The following DMD variants were observed in gnomAD, a reference collection of about 807,000 sequenced individuals.
DMD encodes the protein mutant dystrophin.
DMD carries 63 observed loss-of-function variants against 330.1 expected under a neutral mutation model. That is an observed-to-expected ratio of 0.19 (90% CI 0.16 to 0.24). The LOEUF (loss-of-function observed/expected upper bound fraction) is 0.24. Among genes scored for constraint, DMD ranks in the 10% least tolerant of loss-of-function variants. The pLI, the probability that DMD is intolerant of heterozygous loss-of-function variation, is 1.00. For synonymous variants in DMD, 1,223 were observed against 959.8 expected (o/e 1.27, Z -5.07); for missense variants, 3,344 against 2,684.1 (o/e 1.25, Z -5.43).
chrX:32,079,504 C>T (rs902563141), intron 44 of DMD, among the ~76,000 whole-genome samples: 1 of 110,123 alleles, frequency 9.1e-6, no homozygotes, highest in African/African-American at 3.3e-5. Context: ...CGGAGGCACA[C>T]GAAAAGCTTG....
chrX:32,416,266 A>G (rs1314998216), intron 29 of DMD, among the ~76,000 whole-genome samples: 2 of 112,438 alleles, frequency 1.8e-5, no homozygotes, highest in African/African-American at 6.5e-5. Flanking sequence ...ACTCAATACA[A>G]AAAGCAATTT....
At chrX:32,785,758 G>A (rs188371761) in intron 7 of DMD, among the ~76,000 whole-genome samples, 7 of 110,251 alleles carry the variant, frequency 6.3e-5, no homozygotes, top group East Asian at 5.7e-4. Flanking sequence ...AGCAAAATTC[G>A]AGATATAATA....
At chrX:31,551,181 G>GTAAAAAAAAA (rs2074463677) in intron 55 of DMD, among the ~76,000 whole-genome samples, 1 of 75,279 alleles carries the variant, frequency 1.3e-5, no homozygotes. Context: ...TCCATCTCGG[G>GTAAAAAAAAA]AAAAAAAAAA....
intron 44 of DMD, among the ~76,000 whole-genome samples, chrX:32,081,077 A>G (rs991951648): frequency 8.9e-6 from 1 of 112,080 alleles, no homozygotes; most frequent in African/African-American, 3.2e-5. Flanking sequence ...CTACCAAGGC[A>G]ATATTCCACC....
intron 1 of DMD, among the ~76,000 whole-genome samples, chrX:33,274,811 C>A (rs761269397): frequency 9.0e-6 from 1 of 111,361 alleles, no homozygotes; most frequent in Non-Finnish European, 1.9e-5. Context: ...TGTATATCTG[C>A]CTCCTCCAGG....
chrX:32,566,590 CTT>C (rs1272075511), intron 15 of DMD, among the ~76,000 whole-genome samples: 4 of 112,278 alleles, frequency 3.6e-5, no homozygotes, highest in Admixed American at 9.5e-5. Flanking sequence ...TTCAGCATCT[CTT>C]TTCAGAGTTT....
At chrX:31,580,959 G>C (rs2076318540) in intron 55 of DMD, among the ~76,000 whole-genome samples, 1 of 112,301 alleles carries the variant, frequency 8.9e-6, no homozygotes, top group African/African-American at 3.2e-5. Flanking sequence ...GTTGTTAAAT[G>C]AGTAATCACA....
intron 21 of DMD, among the ~76,000 whole-genome samples, chrX:32,474,792 C>A (rs2041054587): frequency 9.0e-6 from 1 of 111,349 alleles, no homozygotes. Flanking sequence ...GATTTTATCC[C>A]ACTCCATGGG....
chrX:32,699,345 T>C (rs997997489), intron 7 of DMD, 52 bp from the exon 8 acceptor site: 1 of 957,049 alleles, frequency 1.0e-6, no homozygotes, highest in African/African-American at 1.9e-5. Context: ...TATTTGAGAC[T>C]CTAAAAGGAT....
At chrX:33,095,735 T>C (rs2095149005) in intron 1 of DMD, among the ~76,000 whole-genome samples, 1 of 111,043 alleles carries the variant, frequency 9.0e-6, no homozygotes, top group African/African-American at 3.3e-5. Flanking sequence ...GCATGCTTGG[T>C]ATGAGTCACA....
chrX:33,258,559 T>G (rs112222225), intron 1 of DMD, among the ~76,000 whole-genome samples: 7,861 of 111,131 alleles, frequency 0.071, 690 homozygotes, highest in African/African-American at 0.25. Context: ...AAAATATTGG[T>G]AAATGATGAT....
intron 7 of DMD, among the ~76,000 whole-genome samples, chrX:32,723,326 C>T (rs187586851): frequency 8.5e-4 from 94 of 111,149 alleles, no homozygotes; most frequent in African/African-American, 2.9e-3. Context: ...CTTGCTAATA[C>T]TTTATTGAGG....
intron 63 of DMD, among the ~76,000 whole-genome samples, chrX:31,236,221 C>T (rs1307318299): frequency 5.3e-5 from 6 of 112,280 alleles, no homozygotes; most frequent in East Asian, 5.6e-4. Flanking sequence ...GATGACATCA[C>T]GGAACTCTTC....
At chrX:32,003,420 C>G (rs922055567) in intron 44 of DMD, among the ~76,000 whole-genome samples, 1 of 111,710 alleles carries the variant, frequency 9.0e-6, no homozygotes, top group Non-Finnish European at 1.9e-5. Flanking sequence ...CTTACCTTGC[C>G]TATTTTAGAC....
chrX:32,238,427 A>T (rs1413931472), intron 43 of DMD, among the ~76,000 whole-genome samples: 1 of 106,545 alleles, frequency 9.4e-6, no homozygotes, highest in African/African-American at 3.4e-5. Context: ...ATGTGTTCCC[A>T]CAGAAGAAGC....
chrX:33,271,503 A>G (rs1290686412), intron 1 of DMD, among the ~76,000 whole-genome samples: 1 of 111,717 alleles, frequency 9.0e-6, no homozygotes, highest in Non-Finnish European at 1.9e-5. Flanking sequence ...GCGGTGGCTC[A>G]TGCCTGTAAT....
chrX:33,291,052 AC>A (rs1164997257), intron 1 of DMD, among the ~76,000 whole-genome samples: 8 of 111,212 alleles, frequency 7.2e-5, no homozygotes, highest in Non-Finnish European at 1.5e-4. Context: ...CAAAAAGCTT[AC>A]CCACCACGAT....
intron 60 of DMD, among the ~76,000 whole-genome samples, chrX:31,421,422 GAATTT>G (rs2148943658): frequency 9.0e-6 from 1 of 111,145 alleles, no homozygotes; most frequent in African/African-American, 3.3e-5. Flanking sequence ...TATTCTAGGT[GAATTT>G]TATTAACTTA....
At chrX:31,613,552 A>G (rs1198596258) in intron 55 of DMD, among the ~76,000 whole-genome samples, 2 of 111,839 alleles carry the variant, frequency 1.8e-5, no homozygotes, top group Admixed American at 9.5e-5. Context: ...TCATGAACAA[A>G]ACAAGTAATT....
Sources: allele counts gnomAD v4.1 joint callset (sites outside exome capture counted in the v4.1 genomes callset), GRCh38; gene constraint gnomAD v4.1.1; transcripts MANE v1.5; gene names NCBI Gene and HGNC (gene_info 2026-07-23, HGNC 2026-07-21).